SNX4: variants seen among roughly 807,000 people sequenced by gnomAD.
SNX4 encodes the protein sorting nexin-4.
A neutral mutation model predicts 70.8 loss-of-function variants in SNX4; 49 were observed. That is an observed-to-expected ratio of 0.69 (90% CI 0.55 to 0.88). SNX4 has a LOEUF of 0.88. Among genes scored for constraint, SNX4 ranks in the 40% least tolerant of loss-of-function variants. The probability of loss-of-function intolerance (pLI) is 0.00; values close to 1 mark genes in which losing one functional copy is unlikely to be tolerated. For missense variants in SNX4, 528 were observed against 544.8 expected (o/e 0.97, Z 0.31); for synonymous variants, 206 against 183.8 (o/e 1.12, Z -0.98).
intron 6 of SNX4, among the ~76,000 whole-genome samples, chr3:125,486,587 C>A (rs1276063717): frequency 6.6e-6 from 1 of 152,122 alleles, no homozygotes; most frequent in African/African-American, 2.4e-5. Flanking sequence ...GATAGCAGCA[C>A]TGCACTCCAG....
Position 125,498,064 on chromosome 3 carries a change from T to A in SNX4, c.394A>T (p.Lys132Ter). The A allele has an allele frequency of 6.2e-7, 1 of 1,614,142 alleles. No individual in the cohort carries two copies. Among genetic ancestry groups the A allele is most frequent in the Non-Finnish European group, 8.5e-7 (1 of 1,180,014 alleles). The change falls in exon 3 of 14, where the codon AAA becomes TAA. Residue 132 changes from lysine to a stop codon, truncating the protein, a stop_gained. Transcript: ENST00000251775. LOFTEE classifies it high-confidence loss of function. ...PHIVVPPLPEKRAEFVWHKLS... is the reference protein window; with the variant it reads ...PHIVVPPLPE Reference sequence around the variant, plus strand: ...ACTGCCATTTCACTTCTTACCCGTTTTTCTGGCAGAGGTGGCACAACAATA... The same window carrying A: ...ACTGCCATTTCACTTCTTACCCGTTATTCTGGCAGAGGTGGCACAACAATA...
chr3:125,472,475 A>G (rs563636714), intron 8 of SNX4, among the ~76,000 whole-genome samples: 1 of 152,320 alleles, frequency 6.6e-6, no homozygotes, highest in East Asian at 1.9e-4. Flanking sequence ...TAGACATGGC[A>G]CACTCTTTCT....
chr3:125,495,277 T>TATATATATATATATATATATATACAC lies in SNX4; in HGVS notation c.597+2063_597+2064insGTGTATATATATATATATATATATAT. ...ATATATATATATATATATATATATA[T>TATATATATATATATATATATATACAC]ACACATACACACACACACACGTATG... On this transcript the variant is annotated intron_variant, in intron 5 of 13. Transcript: ENST00000251775. Among the ~76,000 whole-genome samples, 149 of 99,528 alleles carry TATATATATATATATATATATATACAC rather than the reference T, an allele frequency of 1.5e-3. 6 individuals carry two copies. The highest frequency in any genetic ancestry group is 4.9e-3 in the East Asian group (13 of 2,656). 65.3% of individuals were successfully genotyped at this position (99,528 alleles called of 152,430 possible).
intron 1 of SNX4, among the ~76,000 whole-genome samples, chr3:125,511,882 G>C (rs1935181112): frequency 6.6e-6 from 1 of 152,118 alleles, no homozygotes; most frequent in Non-Finnish European, 1.5e-5. Flanking sequence ...GTCTGTGACA[G>C]TGCAAAAATA....
At chr3:125,511,024 T>C (rs1280182055) in intron 1 of SNX4, among the ~76,000 whole-genome samples, 1 of 152,204 alleles carries the variant, frequency 6.6e-6, no homozygotes, top group East Asian at 1.9e-4. Flanking sequence ...GCTCAGGCGA[T>C]TCTCCTCCCT....
chr3:125,511,619 C>T (rs1229636069), intron 1 of SNX4, among the ~76,000 whole-genome samples: 1 of 152,098 alleles, frequency 6.6e-6, no homozygotes, highest in Non-Finnish European at 1.5e-5. Flanking sequence ...TCAAATACAC[C>T]CAAACTAACT....
chr3:125,494,050 A>G (rs1227078574), intron 5 of SNX4, among the ~76,000 whole-genome samples: 1 of 147,356 alleles, frequency 6.8e-6, no homozygotes, highest in Admixed American at 6.8e-5. Context: ...AAAAAAAAAA[A>G]GAAAATATTA....
intron 8 of SNX4, among the ~76,000 whole-genome samples, chr3:125,470,605 C>A (rs1465602537): frequency 6.6e-6 from 1 of 151,560 alleles, no homozygotes; most frequent in Non-Finnish European, 1.5e-5. Flanking sequence ...CCACAAGGGT[C>A]GCTCTAGTAT....
chr3:125,490,524 C>CAAAAAA (rs1173858739), intron 5 of SNX4, among the ~76,000 whole-genome samples: 8 of 48,890 alleles, frequency 1.6e-4, no homozygotes, highest in South Asian at 7.5e-4. Flanking sequence ...ACTCTGTCTC[C>CAAAAAA]AAAAAAAAAA....
intron 2 of SNX4, among the ~76,000 whole-genome samples, chr3:125,500,363 G>C (rs930429693): frequency 6.6e-6 from 1 of 152,072 alleles, no homozygotes; most frequent in Non-Finnish European, 1.5e-5. Context: ...TTTTAAAAGA[G>C]TTCCTATTCA....
In SNX4 at chr3:125,497,864, T is replaced by G; in HGVS notation, c.519A>C (p.Arg173Ser). The change falls in exon 4 of 14, where the codon AGA (arginine) becomes AGC (serine). Residue 173 changes from arginine (R) to serine (S), a missense_variant. Arg to Ser is a moderately radical substitution (Grantham distance 110, BLOSUM62 -1). Coordinates refer to ENST00000251775, the MANE Select transcript of SNX4 (RefSeq NM_003794.4). ...TTAAAAACAGATAGAAGATTTTGTC[T>G]CTACAAAGGATGGGATGTGAAGCAA... ...LRIASHPILC[R>S]DKIFYLFLTQ... 1 of 1,610,238 alleles carries G rather than the reference T, an allele frequency of 6.2e-7. No individual in the cohort carries two copies. Among genetic ancestry groups the G allele is most frequent in the South Asian group, 1.1e-5 (1 of 89,966 alleles).
At chr3:125,517,969 A>G (rs1935317470) in intron 1 of SNX4, among the ~76,000 whole-genome samples, 2 of 151,278 alleles carry the variant, frequency 1.3e-5, no homozygotes, top group African/African-American at 4.9e-5. Context: ...AGGTCAAGAG[A>G]CTGCTCAAAA....
At chr3:125,460,646 C>T (rs1933854646) in intron 10 of SNX4, 125 bp downstream of exon 10, 1 of 466,050 alleles carries the variant, frequency 2.1e-6, no homozygotes, top group African/African-American at 2.0e-5. Context: ...TACAATGAGA[C>T]CTCATTCATT....
At chr3:125,515,234 C>T (rs181442796) in intron 1 of SNX4, among the ~76,000 whole-genome samples, 1 of 152,022 alleles carries the variant, frequency 6.6e-6, no homozygotes, top group East Asian at 1.9e-4. Flanking sequence ...TGCCTATAGT[C>T]CCAGCTACTC....
intron 1 of SNX4, among the ~76,000 whole-genome samples, chr3:125,510,971 T>G (rs191002159): frequency 4.6e-4 from 70 of 152,360 alleles, no homozygotes; most frequent in Non-Finnish European, 8.8e-5. Flanking sequence ...TAGGCTGGAG[T>G]GCAATGGCAC....
intron 6 of SNX4, among the ~76,000 whole-genome samples, chr3:125,488,238 G>A (rs1000684110): frequency 6.6e-6 from 1 of 150,988 alleles, no homozygotes; most frequent in Non-Finnish European, 1.5e-5. Context: ...AACTTTGGGA[G>A]GCCAAGGCGG....
chr3:125,451,983 A>C (rs1312363660), intron 12 of SNX4, among the ~76,000 whole-genome samples: 1 of 152,230 alleles, frequency 6.6e-6, no homozygotes, highest in Non-Finnish European at 1.5e-5. Flanking sequence ...TATAAAATAC[A>C]CATAGATGAC....
intron 9 of SNX4, among the ~76,000 whole-genome samples, chr3:125,468,725 T>G (rs1216409518): frequency 6.6e-6 from 1 of 152,108 alleles, no homozygotes; most frequent in Non-Finnish European, 1.5e-5. Flanking sequence ...GGCATGCACC[T>G]GTAGTCCTAG....
intron 6 of SNX4, among the ~76,000 whole-genome samples, chr3:125,486,270 G>A (rs1379049522): frequency 1.3e-5 from 2 of 152,162 alleles, no homozygotes; most frequent in South Asian, 2.1e-4. Context: ...TTAGAAGCTC[G>A]AGGAATAACC....
Sources: allele counts gnomAD v4.1 joint callset (sites outside exome capture counted in the v4.1 genomes callset), GRCh38; gene constraint gnomAD v4.1.1; transcripts MANE v1.5; gene names NCBI Gene and HGNC (gene_info 2026-07-23, HGNC 2026-07-21).